The following WDR7 variants were observed in gnomAD, a reference collection of about 807,000 sequenced individuals.
WDR7 encodes the protein WD repeat-containing protein 7.
A neutral mutation model predicts 169.4 loss-of-function variants in WDR7; 46 were observed. The ratio of observed to expected loss-of-function variants is 0.27; its 90% CI spans 0.21 to 0.35. WDR7 has a LOEUF of 0.35. Among genes scored for constraint, WDR7 ranks in the 10% least tolerant of loss-of-function variants. The pLI, the probability that WDR7 is intolerant of heterozygous loss-of-function variation, is 1.00. For missense variants in WDR7, 1,534 were observed against 1,859.3 expected (o/e 0.83, Z 3.22); for synonymous variants, 612 against 666.8 (o/e 0.92, Z 1.27).
At chr18:56,994,939 G>C (rs571272139) in intron 26 of WDR7, among the ~76,000 whole-genome samples, 11 of 152,300 alleles carry the variant, frequency 7.2e-5, no homozygotes, top group African/African-American at 2.6e-4. Context: ...TCAGGAACCA[G>C]TGGTGCATTT....
At chr18:57,001,243 A>T (rs1183914635) in intron 26 of WDR7, among the ~76,000 whole-genome samples, 2 of 152,186 alleles carry the variant, frequency 1.3e-5, no homozygotes, top group Non-Finnish European at 2.9e-5. Context: ...CAAATCTACT[A>T]GAGAGTGATG....
At chr18:56,835,229 T>C (rs955414376) in intron 20 of WDR7, among the ~76,000 whole-genome samples, 2 of 152,218 alleles carry the variant, frequency 1.3e-5, no homozygotes, top group African/African-American at 2.4e-5. Context: ...TGTGCCTCCC[T>C]TGTCTTAAGA....
intron 14 of WDR7, among the ~76,000 whole-genome samples, chr18:56,732,668 CAACTGG>C (rs1160076379): frequency 6.6e-6 from 1 of 152,138 alleles, no homozygotes; most frequent in Non-Finnish European, 1.5e-5. Context: ...TATATTTCAA[CAACTGG>C]AACTGTGAAA....
chr18:57,024,275 T>G (rs1013162414), intron 27 of WDR7, among the ~76,000 whole-genome samples: 1 of 152,176 alleles, frequency 6.6e-6, no homozygotes, highest in Non-Finnish European at 1.5e-5. Flanking sequence ...CAAGATGTCC[T>G]TACTCGAGCA....
chr18:56,834,451 C>T (rs917592992), intron 20 of WDR7, among the ~76,000 whole-genome samples: 1 of 151,942 alleles, frequency 6.6e-6, no homozygotes, highest in African/African-American at 2.4e-5. Context: ...AATTTCGTTC[C>T]TTCCATATTT....
At chr18:56,860,592 G>A (rs2045789782) in intron 20 of WDR7, among the ~76,000 whole-genome samples, 1 of 152,066 alleles carries the variant, frequency 6.6e-6, no homozygotes, top group Non-Finnish European at 1.5e-5. Context: ...AAACTCATTA[G>A]GATTGTGACC....
intron 12 of WDR7, 149 bp from the exon 13 acceptor site, chr18:56,717,815 A>G: frequency 3.3e-6 from 2 of 611,770 alleles, no homozygotes; most frequent in Non-Finnish European, 2.6e-6. Flanking sequence ...TATAATATAA[A>G]GGAACATACT....
chr18:56,871,935 G>T (rs2045958293), intron 20 of WDR7, among the ~76,000 whole-genome samples: 4 of 151,932 alleles, frequency 2.6e-5, no homozygotes, highest in Admixed American at 2.6e-4. Flanking sequence ...CAAGTATTAT[G>T]ACACTCATTT....
chr18:56,795,999 A>G (rs1013254850), intron 19 of WDR7, among the ~76,000 whole-genome samples: 23 of 152,224 alleles, frequency 1.5e-4, no homozygotes, highest in Middle Eastern at 3.2e-3. Flanking sequence ...AGATAACACG[A>G]TGACATTATA....
chr18:56,887,797 C>T (rs115279486), intron 21 of WDR7, among the ~76,000 whole-genome samples: 2,984 of 152,084 alleles, frequency 0.02, 97 homozygotes, highest in African/African-American at 0.066. Flanking sequence ...AAATCTTGCT[C>T]TCCTGTTTGA....
intron 21 of WDR7, among the ~76,000 whole-genome samples, chr18:56,920,318 A>G (rs1240553428): frequency 6.6e-6 from 1 of 152,184 alleles, no homozygotes; most frequent in Non-Finnish European, 1.5e-5. Context: ...TGCCTCTGTT[A>G]AGCTCTGTCT....
intron 22 of WDR7, among the ~76,000 whole-genome samples, chr18:56,931,962 G>T (rs2046891515): frequency 6.6e-6 from 1 of 152,156 alleles, no homozygotes; most frequent in East Asian, 1.9e-4. Flanking sequence ...TTAAGCCAAG[G>T]TGTTTAGAGT....
intron 20 of WDR7, among the ~76,000 whole-genome samples, chr18:56,857,413 C>T (rs2045737787): frequency 6.6e-6 from 1 of 151,992 alleles, no homozygotes; most frequent in African/African-American, 2.4e-5. Context: ...TGTGCACTAC[C>T]ACACCCTGCT....
At chr18:56,700,261 T>TC (rs2025796885) in intron 12 of WDR7, among the ~76,000 whole-genome samples, 1 of 128,270 alleles carries the variant, frequency 7.8e-6, no homozygotes, top group South Asian at 2.9e-4. Context: ...TCTTTTTTTT[T>TC]TTTTTTTTTT....
intron 14 of WDR7, among the ~76,000 whole-genome samples, chr18:56,745,653 C>T (rs1384679187): frequency 6.6e-6 from 1 of 152,180 alleles, no homozygotes; most frequent in African/African-American, 2.4e-5. Context: ...CCGTTCCTAA[C>T]AAGCCATGAA....
At chr18:56,791,965 A>T (rs1315296667) in intron 19 of WDR7, among the ~76,000 whole-genome samples, 1 of 152,070 alleles carries the variant, frequency 6.6e-6, no homozygotes, top group African/African-American at 2.4e-5. Flanking sequence ...TCCAAATTAG[A>T]TGACAATAAT....
intron 27 of WDR7, 42 bp from the exon 28 acceptor site, chr18:57,026,962 G>A (rs2048374543): frequency 1.3e-6 from 2 of 1,585,608 alleles, no homozygotes; most frequent in South Asian, 1.1e-5. Flanking sequence ...GGGAAAGGGA[G>A]AGGGCTGTTC....
chr18:56,996,801 A>G (rs1187836392), intron 26 of WDR7, among the ~76,000 whole-genome samples: 1 of 152,244 alleles, frequency 6.6e-6, no homozygotes, highest in Non-Finnish European at 1.5e-5. Flanking sequence ...AGGATGTTCC[A>G]TATCTACCTA....
At chr18:56,790,870 T>A (rs2044473485) in intron 19 of WDR7, among the ~76,000 whole-genome samples, 2 of 152,108 alleles carry the variant, frequency 1.3e-5, no homozygotes, top group African/African-American at 2.4e-5. Context: ...AATTTTTTTT[T>A]TATTTGTTTG....
Sources: allele counts gnomAD v4.1 joint callset (sites outside exome capture counted in the v4.1 genomes callset), GRCh38; gene constraint gnomAD v4.1.1; transcripts MANE v1.5; gene names NCBI Gene and HGNC (gene_info 2026-07-23, HGNC 2026-07-21).